SLC7A14: variants seen among roughly 807,000 people sequenced by gnomAD.
The protein encoded by SLC7A14 is solute carrier family 7 member 14.
In SLC7A14, 37 loss-of-function variants were observed where a neutral mutation model predicts 60.2. That is an observed-to-expected ratio of 0.61 (90% CI 0.47 to 0.81). The LOEUF (loss-of-function observed/expected upper bound fraction) is 0.81. SLC7A14 is among the 30% of genes least tolerant of loss of function. The pLI, the probability that SLC7A14 is intolerant of heterozygous loss-of-function variation, is 0.00. For synonymous variants in SLC7A14, 399 were observed against 395.8 expected, an observed-to-expected ratio of 1.01 and a Z score of -0.10; for missense variants, 886 against 982.7, an observed-to-expected ratio of 0.90 and a Z score of 1.32.
At chr3:170,505,979 C>A (rs1055181754) in intron 2 of SLC7A14, among the ~76,000 whole-genome samples, 1 of 152,084 alleles carries the variant, frequency 6.6e-6, no homozygotes, top group Middle Eastern at 3.4e-3. Flanking sequence ...CCTTTCTAAT[C>A]ATATTTGCCT....
chr3:170,546,522 G>A (rs914687781), intron 1 of SLC7A14, among the ~76,000 whole-genome samples: 4 of 152,082 alleles, frequency 2.6e-5, no homozygotes, highest in African/African-American at 9.7e-5. Context: ...AAGTTTATAT[G>A]GTGGTATGAA....
intron 7 of SLC7A14, among the ~76,000 whole-genome samples, chr3:170,470,502 A>C (rs898339925): frequency 6.6e-6 from 1 of 152,130 alleles, no homozygotes; most frequent in African/African-American, 2.4e-5. Flanking sequence ...TGTCTTCAAA[A>C]ATGCATTTCA....
In SLC7A14 at chr3:170,486,273, G is replaced by A. The variant is rs199665794; in HGVS notation, c.855C>T (p.Ile285=). 3,017 of 1,614,220 alleles carry A rather than the reference G, an allele frequency of 1.9e-3. 71 individuals carry two copies. In the South Asian group the frequency reaches 0.031, roughly 16 times the overall value. Residue 285 remains isoleucine (I), a synonymous_variant, in exon 5 of 8, where the codon ATC becomes ATT. Transcript: ENST00000231706. ...CCAGGGAGGCAGTGATAGCATAAGG[G>A]ATGGACGTGTTGGGATTCTTGGCTT... ...GEEAKNPNTS[I]PYAITASLVI... is the part of the protein sequence containing the mutation.
At chr3:170,540,347 C>G (rs746674999) in intron 1 of SLC7A14, among the ~76,000 whole-genome samples, 2 of 152,092 alleles carry the variant, frequency 1.3e-5, no homozygotes, top group Non-Finnish European at 2.9e-5. Flanking sequence ...TGTAGAAGTT[C>G]CATGTAGCTC....
intron 7 of SLC7A14, 93 bp downstream of exon 7, chr3:170,480,196 G>A (rs79993103): frequency 1.8e-5 from 24 of 1,325,794 alleles, no homozygotes; most frequent in Non-Finnish European, 2.3e-5. Flanking sequence ...CTCTGGGAAC[G>A]GAGTTGCCTA....
At chr3:170,526,491 G>C in intron 2 of SLC7A14, 142 bp downstream of exon 2, 1 of 1,013,298 alleles carries the variant, frequency 9.9e-7, no homozygotes, top group East Asian at 2.5e-5. Context: ...CTCCCTGGCA[G>C]TCAAGGCAAA....
intron 1 of SLC7A14, among the ~76,000 whole-genome samples, chr3:170,583,875 A>C (rs1267337394): frequency 6.6e-6 from 1 of 152,250 alleles, no homozygotes; most frequent in Admixed American, 6.5e-5. Context: ...CGGATTAAAG[A>C]GAAAAGGGTT....
intron 1 of SLC7A14, among the ~76,000 whole-genome samples, chr3:170,543,432 C>T (rs1714080525): frequency 6.6e-6 from 1 of 151,990 alleles, no homozygotes; most frequent in Non-Finnish European, 1.5e-5. Flanking sequence ...GGCAGGTCAC[C>T]TGAGGTTGGG....
rs1324702612 is a variant in SLC7A14 at position 170,464,412 on chromosome 3, G to T, written c.*2643C>A. On this transcript the variant is annotated 3_prime_UTR_variant, in exon 8 of 8. Coordinates refer to ENST00000231706, the MANE Select transcript of SLC7A14 (RefSeq NM_020949.3). ...CCACACATACATCGTTTAGAAACCT[G>T]TTAAGAAAATAGTAATATTGTCATT... is the stretch of plus-strand genomic sequence containing the variant. The T allele has an allele frequency of 6.6e-6, 1 of 152,188 alleles. No homozygotes were observed. Among genetic ancestry groups the T allele is most frequent in the Non-Finnish European group, 1.5e-5 (1 of 68,024 alleles). The allele number at this position is 152,188 out of a possible 1,614,324, so 9.4% of individuals were successfully genotyped here. A position where few individuals can be genotyped will look rare whatever the true frequency, so the allele number is the denominator to read the frequency against.
chr3:170,572,060 C>CAAAAAAAAAAA (rs765897392), intron 1 of SLC7A14, among the ~76,000 whole-genome samples: 1 of 80,688 alleles, frequency 1.2e-5, no homozygotes, highest in African/African-American at 4.4e-5. Context: ...GACTCTGTCT[C>CAAAAAAAAAAA]AAAAAAAAAA....
At chr3:170,557,178 A>T (rs1481564916) in intron 1 of SLC7A14, among the ~76,000 whole-genome samples, 1 of 151,880 alleles carries the variant, frequency 6.6e-6, no homozygotes, top group East Asian at 1.9e-4. Context: ...TTATTTTTGG[A>T]TAAATTGGTT....
At chr3:170,521,757 C>G (rs1229291970) in intron 2 of SLC7A14, among the ~76,000 whole-genome samples, 1 of 152,114 alleles carries the variant, frequency 6.6e-6, no homozygotes, top group Non-Finnish European at 1.5e-5. Flanking sequence ...CCTGTCTCAA[C>G]TACAAATACA....
At chr3:170,562,388 G>A (rs191734700) in intron 1 of SLC7A14, among the ~76,000 whole-genome samples, 3 of 152,194 alleles carry the variant, frequency 2.0e-5, no homozygotes, top group Admixed American at 2.0e-4. Context: ...AAGTAACTCT[G>A]GAATGGAAAA....
At chr3:170,539,748 C>T (rs1007767284) in intron 1 of SLC7A14, among the ~76,000 whole-genome samples, 4 of 152,056 alleles carry the variant, frequency 2.6e-5, no homozygotes, top group Admixed American at 2.6e-4. Flanking sequence ...CCCTTATCTG[C>T]AGGGGCTACC....
In SLC7A14 at chr3:170,483,392, A is replaced by G. The variant is rs759609005; in HGVS notation, c.1037T>C (p.Leu346Pro). ...GAGGGACCCCAGCAAGCTGACTGTC[A>G]GTCCTGCAACCGACCCAATGGCCAC... The part of the protein sequence containing the change: ...FVVAIGSVAG[L>P]TVSLLGSLFP... The change falls in exon 6 of 8, where the codon CTG becomes CCG. Residue 346 changes from leucine (L) to proline (P), a missense_variant. Transcript: ENST00000231706. 2 of 1,614,250 alleles carry G rather than the reference A, an allele frequency of 1.2e-6. No individual in the cohort carries two copies. Among genetic ancestry groups the G allele is most frequent in the South Asian group, 2.2e-5 (2 of 91,086 alleles).
intron 2 of SLC7A14, among the ~76,000 whole-genome samples, chr3:170,507,661 T>C (rs1577522800): frequency 6.6e-6 from 1 of 152,030 alleles, no homozygotes; most frequent in Admixed American, 6.6e-5. Context: ...ATTGAGGGGG[T>C]GGGACCTTTT....
At position 170,467,047 on chromosome 3, in the gene SLC7A14, T is replaced by A; in HGVS notation, c.*8A>T. The A allele has an allele frequency of 1.3e-6, 2 of 1,583,226 alleles. No individual in the cohort carries two copies. The highest frequency in any genetic ancestry group is 1.7e-6 in the Non-Finnish European group (2 of 1,162,536). On this transcript the variant is annotated 3_prime_UTR_variant, in exon 8 of 8. Transcript: ENST00000231706. ...TCATCACCATTTCTACCCACTTGTGTGTTTCTCCTACTCTGGAGAGTAATC... is the reference window on the plus strand; with the variant it reads ...TCATCACCATTTCTACCCACTTGTGAGTTTCTCCTACTCTGGAGAGTAATC...
At chr3:170,577,685 G>T (rs1037694082) in intron 1 of SLC7A14, among the ~76,000 whole-genome samples, 2 of 150,640 alleles carry the variant, frequency 1.3e-5, no homozygotes, top group Admixed American at 6.6e-5. Context: ...TATGTATTCC[G>T]TAATTGGCCT....
chr3:170,531,480 C>A (rs1433514577), intron 1 of SLC7A14, among the ~76,000 whole-genome samples: 1 of 151,948 alleles, frequency 6.6e-6, no homozygotes, highest in Non-Finnish European at 1.5e-5. Context: ...GAGAATCAAC[C>A]AAAAGCAAAG....
Sources: gnomAD v4.1 joint callset for allele counts (sites outside exome capture counted in the v4.1 genomes callset) on GRCh38, gnomAD v4.1.1 for gene constraint, MANE v1.5 for transcripts, NCBI Gene and HGNC (gene_info 2026-07-23, HGNC 2026-07-21) for gene names.